The following MAN2A1 variants were observed in gnomAD, a reference collection of about 807,000 sequenced individuals.
MAN2A1 encodes the protein alpha-mannosidase 2.
MAN2A1 carries 76 observed loss-of-function variants against 142.6 expected under a neutral mutation model. That is an observed-to-expected ratio of 0.53 (90% CI 0.44 to 0.65). The LOEUF is 0.65. Ranked by LOEUF, MAN2A1 falls within the 30% of genes least tolerant of loss-of-function variation. The pLI is 0.00. For synonymous variants in MAN2A1, 559 were observed against 473.2 expected (o/e 1.18, Z -2.35); for missense variants, 1,311 against 1,365.1 (o/e 0.96, Z 0.62).
intron 18 of MAN2A1, 96 bp downstream of exon 18, chr5:109,846,102 A>G (rs1173914275): frequency 9.2e-7 from 1 of 1,084,854 alleles, no homozygotes; most frequent in African/African-American, 1.6e-5. Context: ...TCTAGTTAAA[A>G]CCTCCCTGTC....
intron 12 of MAN2A1, among the ~76,000 whole-genome samples, chr5:109,815,285 G>A (rs1488884433): frequency 6.6e-6 from 1 of 152,146 alleles, no homozygotes; most frequent in African/African-American, 2.4e-5. Flanking sequence ...ACAAATCTCT[G>A]AGGTAAGTCT....
In MAN2A1 at chr5:109,832,738, C is replaced by T. The variant is rs182932010; in HGVS notation, c.2566+8901C>T. On this transcript the variant is annotated intron_variant, in intron 16 of 21. Coordinates refer to ENST00000261483, the MANE Select transcript of MAN2A1 (RefSeq NM_002372.4). ...CGGGCAGAGGGGCCCCCCCACTTCCCTCCCGGATGGGGCGGCTGGCCGGGC... is the reference window on the plus strand; with the variant it reads ...CGGGCAGAGGGGCCCCCCCACTTCCTTCCCGGATGGGGCGGCTGGCCGGGC... Among the ~76,000 whole-genome samples the T allele has an allele frequency of 3.1e-3, 472 of 150,332 alleles. 2 individuals carry two copies. Among genetic ancestry groups the T allele is most frequent in the African/African-American group, 0.011 (433 of 41,026 alleles).
chr5:109,706,315 T>G (rs1343453338), intron 1 of MAN2A1, among the ~76,000 whole-genome samples: 1 of 152,148 alleles, frequency 6.6e-6, no homozygotes, highest in Non-Finnish European at 1.5e-5. Flanking sequence ...TATCTGGAGG[T>G]GCATATTGTA....
intron 9 of MAN2A1, among the ~76,000 whole-genome samples, chr5:109,783,953 A>G (rs1245963073): frequency 2.0e-5 from 3 of 151,872 alleles, no homozygotes; most frequent in Admixed American, 6.6e-5. Context: ...GCGGCCTCAA[A>G]CTCTTGGGCT....
At chr5:109,833,355 G>A (rs1245549885) in intron 16 of MAN2A1, among the ~76,000 whole-genome samples, 1 of 152,062 alleles carries the variant, frequency 6.6e-6, no homozygotes, top group East Asian at 1.9e-4. Flanking sequence ...CCGAGATCAC[G>A]CCACTGCACT....
intron 4 of MAN2A1, among the ~76,000 whole-genome samples, chr5:109,739,668 C>T (rs1752209833): frequency 1.3e-5 from 2 of 152,142 alleles, no homozygotes; most frequent in Non-Finnish European, 1.5e-5. Context: ...TGGAATTTGT[C>T]CCAAAACATG....
In MAN2A1 at chr5:109,824,724, C is replaced by T. The variant is rs145032991; in HGVS notation, c.2566+887C>T. ...CTAAAGATAAATGTATAGGTAGGCACGGTTTCCTTTTTAGGTATTGTGGGA... is the reference window on the plus strand; with the variant it reads ...CTAAAGATAAATGTATAGGTAGGCATGGTTTCCTTTTTAGGTATTGTGGGA... On this transcript the variant is annotated intron_variant, in intron 16 of 21. Coordinates refer to ENST00000261483, the MANE Select transcript of MAN2A1 (RefSeq NM_002372.4). 2.3e-4 allele frequency among the ~76,000 whole-genome samples: 35 copies of T among 152,186 alleles called. No homozygotes were observed. In the East Asian group the frequency reaches 3.9e-3, roughly 17 times the overall value.
At chr5:109,702,303 A>T (rs1254081740) in intron 1 of MAN2A1, among the ~76,000 whole-genome samples, 1 of 145,882 alleles carries the variant, frequency 6.9e-6, no homozygotes, top group Non-Finnish European at 1.5e-5. Flanking sequence ...CTGGGTTAAG[A>T]CAGAACATAA....
chr5:109,790,048 G>T (rs1453550490), intron 12 of MAN2A1, among the ~76,000 whole-genome samples: 6 of 151,592 alleles, frequency 4.0e-5, no homozygotes, highest in African/African-American at 7.3e-5. Context: ...CTTAAACCAG[G>T]GCATTTAATT....
rs577474027 is a variant in MAN2A1, at chr5:109,715,104, A to T, written c.391-1016A>T. ...GAGCAAGTCAGGAGGGTACTGGGAG[A>T]GCTGCAGGACTGAAGGAAGAAACAG... is the stretch of plus-strand genomic sequence containing the variant. On this transcript the variant is annotated intron_variant, in intron 2 of 21. Coordinates refer to ENST00000261483, the MANE Select transcript of MAN2A1 (RefSeq NM_002372.4). 2.0e-5 allele frequency among the ~76,000 whole-genome samples: 3 copies of T among 152,126 alleles called. No individual in the cohort carries two copies. In the South Asian group the frequency reaches 6.2e-4, roughly 32 times the overall value.
intron 1 of MAN2A1, among the ~76,000 whole-genome samples, chr5:109,707,742 A>G (rs1199307349): frequency 6.6e-6 from 1 of 152,156 alleles, no homozygotes; most frequent in African/African-American, 2.4e-5. Flanking sequence ...GAACGGAGAT[A>G]AGATGAAGGT....
intron 4 of MAN2A1, among the ~76,000 whole-genome samples, chr5:109,745,710 C>T (rs539958659): frequency 1.1e-4 from 16 of 152,224 alleles, no homozygotes; most frequent in Middle Eastern, 3.4e-3. Context: ...CCTCAAACTC[C>T]GGGCTCAAGT....
chr5:109,767,382 G>C (rs1582876708), intron 5 of MAN2A1, among the ~76,000 whole-genome samples, 153 bp from the exon 6 acceptor site: 1 of 152,176 alleles, frequency 6.6e-6, no homozygotes, highest in African/African-American at 2.4e-5. Context: ...ATGATATCTT[G>C]CTGGGAATAC....
At chr5:109,849,768 T>C (rs1459598913) in intron 19 of MAN2A1, among the ~76,000 whole-genome samples, 1 of 151,870 alleles carries the variant, frequency 6.6e-6, no homozygotes, top group Non-Finnish European at 1.5e-5. Context: ...CCCTCTGATA[T>C]CTTCTCATTG....
Position 109,866,984 on chromosome 5 carries a change from A to G in MAN2A1, c.3421A>G (p.Ile1141Val). 1 of 1,609,504 alleles carries G rather than the reference A, an allele frequency of 6.2e-7. No individual in the cohort carries two copies. The highest frequency in any genetic ancestry group is 8.5e-7 in the Non-Finnish European group (1 of 1,177,968). Residue 1141 changes from isoleucine to valine, a missense_variant, in exon 22 of 22, where the codon ATC becomes GTC. Around this residue, in one of 3 missense-constraint regions of MAN2A1, gnomAD observed 890 missense variants for 920.5 expected, o/e 0.97. Coordinates refer to ENST00000261483, the MANE Select transcript of MAN2A1 (RefSeq NM_002372.4). Reference protein sequence around the residue: ...LSPMEISTFRIQLR With the variant: ...LSPMEISTFRVQLR Reference sequence around the variant, plus strand: ...TCCAATGGAAATCAGCACATTCCGAATCCAGTTGAGGTGAACCTGACTTTC... The same window carrying G: ...TCCAATGGAAATCAGCACATTCCGAGTCCAGTTGAGGTGAACCTGACTTTC...
chr5:109,707,529 A>G (rs549452094), intron 1 of MAN2A1, among the ~76,000 whole-genome samples: 4 of 152,318 alleles, frequency 2.6e-5, no homozygotes, highest in African/African-American at 7.2e-5. Flanking sequence ...AGAGGGAAGC[A>G]ATACATGAAT....
At chr5:109,790,465 G>A (rs1269341087) in intron 12 of MAN2A1, among the ~76,000 whole-genome samples, 1 of 151,810 alleles carries the variant, frequency 6.6e-6, no homozygotes, top group African/African-American at 2.4e-5. Context: ...CTTAGAACGA[G>A]ATAATAAGTT....
At chr5:109,730,572 G>A (rs924773963) in intron 4 of MAN2A1, among the ~76,000 whole-genome samples, 12 of 150,952 alleles carry the variant, frequency 7.9e-5, no homozygotes, top group Admixed American at 2.0e-4. Context: ...AAAAAAATAC[G>A]TTACGATGGG....
At chr5:109,703,130 C>T (rs1327419359) in intron 1 of MAN2A1, among the ~76,000 whole-genome samples, 1 of 152,168 alleles carries the variant, frequency 6.6e-6, no homozygotes, top group African/African-American at 2.4e-5. Context: ...GAAAAACGAT[C>T]TCAGACATGT....
Sources: allele counts gnomAD v4.1 joint callset (sites outside exome capture counted in the v4.1 genomes callset), GRCh38; gene constraint gnomAD v4.1.1; regional missense constraint gnomAD v4.1.1; transcripts MANE v1.5; gene names NCBI Gene and HGNC (gene_info 2026-07-23, HGNC 2026-07-21).